PDS5A: variants seen among roughly 807,000 people sequenced by gnomAD.
PDS5A encodes PDS5 cohesin associated factor A, also known as sister chromatid cohesion protein PDS5 homolog A.
A neutral mutation model predicts 167.1 loss-of-function variants in PDS5A; 42 were observed. The ratio of observed to expected loss-of-function variants is 0.25; its 90% CI spans 0.20 to 0.33. PDS5A has a LOEUF of 0.33. Among genes scored for constraint, PDS5A ranks in the 10% least tolerant of loss-of-function variants. PDS5A has a pLI of 1.00. For missense variants in PDS5A, 1,033 were observed against 1,605.9 expected (o/e 0.64, Z 6.10); for synonymous variants, 553 against 554.6 (o/e 1.00, Z 0.04).
At chr4:39,898,360 A>C in intron 16 of PDS5A, 29 bp downstream of exon 16, 2 of 1,514,564 alleles carry the variant, frequency 1.3e-6, no homozygotes, top group Non-Finnish European at 1.8e-6. Flanking sequence ...GTAAAGCTAG[A>C]GAAAAAGTGT....
chr4:39,883,000 T>A (rs1649132165), intron 17 of PDS5A, among the ~76,000 whole-genome samples: 1 of 152,134 alleles, frequency 6.6e-6, no homozygotes, highest in Non-Finnish European at 1.5e-5. Context: ...ACGCCTTGAG[T>A]GAAAACTCTT....
At chr4:39,857,351 C>CAAAA (rs1188060445) in intron 26 of PDS5A, among the ~76,000 whole-genome samples, 4 of 67,750 alleles carry the variant, frequency 5.9e-5, no homozygotes, top group African/African-American at 2.1e-4. Context: ...GACTCCATCT[C>CAAAA]AAAAAAAAAA....
intron 2 of PDS5A, among the ~76,000 whole-genome samples, chr4:39,938,358 C>G (rs1302293750): frequency 1.3e-5 from 2 of 152,020 alleles, no homozygotes; most frequent in Non-Finnish European, 2.9e-5. Context: ...AGTTGAAGAC[C>G]AGCCTGGCCA....
At position 39,930,247 on chromosome 4, in the gene PDS5A, G is replaced by GTTTT. The variant is rs1258661213; in HGVS notation, c.139-2087_139-2084dup. Among the ~76,000 whole-genome samples the GTTTT allele has an allele frequency of 4.5e-4, 28 of 61,938 alleles. 1 individual carries two copies. The highest frequency in any genetic ancestry group is 2.5e-3 in the East Asian group (4 of 1,614). 40.6% of individuals were successfully genotyped at this position (61,938 alleles called of 152,430 possible). On this transcript the variant is annotated intron_variant, in intron 2 of 32. Coordinates refer to ENST00000303538, the MANE Select transcript of PDS5A (RefSeq NM_001100399.2). ...AAAAAAAAAAAAAAAAAAAAAAAAA[G>GTTTT]TTTTTTTGTTTTTTGTTTTTTTTTT... is the stretch of plus-strand genomic sequence containing the variant.
chr4:39,926,723 TTGCTATCATG>T, intron 4 of PDS5A, 42 bp downstream of exon 4: 1 of 1,167,184 alleles, frequency 8.6e-7, no homozygotes, highest in Non-Finnish European at 1.2e-6. Flanking sequence ...CATGAAGAAT[TTGCTATCATG>T]TGAAATAATG....
intron 30 of PDS5A, among the ~76,000 whole-genome samples, chr4:39,844,431 C>T (rs534420314): frequency 6.1e-5 from 9 of 147,722 alleles, no homozygotes; most frequent in Admixed American, 3.4e-4. Context: ...ACCAAGATTG[C>T]GCCATTGCAC....
chr4:39,874,398 A>G lies in PDS5A; in HGVS notation c.2168T>C (p.Ile723Thr). The change falls in exon 20 of 33, where the codon ATT becomes ACT. Residue 723 changes from isoleucine (I) to threonine (T), a missense_variant. Coordinates refer to ENST00000303538, the MANE Select transcript of PDS5A (RefSeq NM_001100399.2). Reference sequence around the variant, plus strand: ...ACCCCTCTTTGCTTTTTGATGTAAAATGGGAATTAAGGTCCTGCAAAAAAT... The same window carrying G: ...ACCCCTCTTTGCTTTTTGATGTAAAGTGGGAATTAAGGTCCTGCAAAAAAT... Reference protein sequence around the residue: ...LPQIRSTLIPILHQKAKRGTP... With the variant: ...LPQIRSTLIPTLHQKAKRGTP... 1 of 1,612,734 alleles carries G rather than the reference A, an allele frequency of 6.2e-7. No homozygotes were observed. The highest frequency in any genetic ancestry group is 8.5e-7 in the Non-Finnish European group (1 of 1,178,878).
intron 2 of PDS5A, among the ~76,000 whole-genome samples, chr4:39,936,072 G>C (rs1726569462): frequency 6.6e-6 from 1 of 152,210 alleles, no homozygotes; most frequent in Non-Finnish European, 1.5e-5. Context: ...ATGGGGAGCA[G>C]AGAGGACTAA....
Position 39,935,443 on chromosome 4 carries a change from T to G in PDS5A, c.139-7279A>C, listed in dbSNP as rs1726505560. ...AGTTTTATAGTTTTAGGTTTTTATA[T>G]GTATGTCTATATTCATTCTGAGTTA... On this transcript the variant is annotated intron_variant, in intron 2 of 32. Transcript: ENST00000303538. 2.0e-5 allele frequency among the ~76,000 whole-genome samples: 3 copies of G among 152,248 alleles called. No homozygotes were observed. In the South Asian group the frequency reaches 6.2e-4, roughly 31 times the overall value.
chr4:39,887,882 C>T (rs202066123), intron 17 of PDS5A, among the ~76,000 whole-genome samples: 4 of 19,590 alleles, frequency 2.0e-4, no homozygotes, highest in African/African-American at 2.9e-4. Flanking sequence ...AGCAAAATAA[C>T]AAAACAAAAC....
intron 31 of PDS5A, among the ~76,000 whole-genome samples, chr4:39,839,963 G>A (rs1253393184): frequency 1.3e-5 from 2 of 151,222 alleles, no homozygotes; most frequent in Non-Finnish European, 3.0e-5. Flanking sequence ...GCATGGTGGT[G>A]CGTGCCTGTA....
rs181725941 is a variant in PDS5A at position 39,962,346 on chromosome 4, G to A, written c.138+14094C>T. 7.3e-4 allele frequency among the ~76,000 whole-genome samples: 111 copies of A among 152,000 alleles called. No homozygotes were observed. The East Asian group carries it at 0.016, about 21-fold the overall frequency. ...GCTGGGATTACAGGCGTAAGCCACCGCGCCCGGCCTCTTCCTGAGTTTTTA... is the reference window on the plus strand; with the variant it reads ...GCTGGGATTACAGGCGTAAGCCACCACGCCCGGCCTCTTCCTGAGTTTTTA... On this transcript the variant is annotated intron_variant, in intron 2 of 32. Coordinates refer to ENST00000303538, the MANE Select transcript of PDS5A (RefSeq NM_001100399.2).
At chr4:39,936,429 ATATTTAT>A (rs901019885) in intron 2 of PDS5A, among the ~76,000 whole-genome samples, 21 of 145,714 alleles carry the variant, frequency 1.4e-4, no homozygotes, top group South Asian at 4.6e-4. Flanking sequence ...TGAAAGCACT[ATATTTAT>A]TATTTATTAT....
intron 2 of PDS5A, among the ~76,000 whole-genome samples, chr4:39,930,651 A>G (rs1450210413): frequency 6.6e-6 from 1 of 152,182 alleles, no homozygotes; most frequent in Non-Finnish European, 1.5e-5. Flanking sequence ...TCTTAAGACA[A>G]CCGTATCAGG....
chr4:39,906,373 A>C (rs1245249390), intron 11 of PDS5A, among the ~76,000 whole-genome samples: 1 of 149,830 alleles, frequency 6.7e-6, no homozygotes, highest in Non-Finnish European at 1.5e-5. Context: ...GTCTCAAACA[A>C]AAAAAAAAAA....
intron 32 of PDS5A, chr4:39,837,530 G>T: frequency 4.6e-6 from 1 of 215,856 alleles, no homozygotes; most frequent in Non-Finnish European, 9.0e-6. Flanking sequence ...GTATCCAAAA[G>T]GTAGCCCTTA....
chr4:39,928,931 C>T (rs1725711140), intron 2 of PDS5A, among the ~76,000 whole-genome samples: 1 of 151,402 alleles, frequency 6.6e-6, no homozygotes, highest in East Asian at 1.9e-4. Context: ...CCAATGCACA[C>T]TTTGGAATCA....
intron 2 of PDS5A, among the ~76,000 whole-genome samples, chr4:39,931,909 T>TA (rs34016183): frequency 1.3e-5 from 2 of 150,644 alleles, no homozygotes; most frequent in African/African-American, 4.9e-5. Context: ...TTTTTTTTTT[T>TA]AAGACAGAGT....
intron 16 of PDS5A, chr4:39,897,992 T>C (rs1001560790): frequency 2.2e-6 from 2 of 910,928 alleles, no homozygotes; most frequent in Non-Finnish European, 2.6e-6. Context: ...ATTTACTTTA[T>C]CTGTAAATGA....
Sources: allele counts gnomAD v4.1 joint callset (sites outside exome capture counted in the v4.1 genomes callset), GRCh38; gene constraint gnomAD v4.1.1; transcripts MANE v1.5; gene names NCBI Gene and HGNC (gene_info 2026-07-23, HGNC 2026-07-21).